RFC3: variants seen among roughly 807,000 people sequenced by gnomAD.
RFC3 encodes replication factor C subunit 3.
In RFC3, 41 loss-of-function variants were observed where a neutral mutation model predicts 45.1. That is an observed-to-expected ratio of 0.91 (90% CI 0.71 to 1.18). The LOEUF is 1.18. Ranked by LOEUF, RFC3 falls within the 50% of genes most tolerant of loss-of-function variation. The pLI is 0.00. For missense variants in RFC3, 423 were observed against 428.1 expected, an observed-to-expected ratio of 0.99 and a Z score of 0.10; for synonymous variants, 149 against 144.0, an observed-to-expected ratio of 1.03 and a Z score of -0.25.
chr13:33,916,758 G>A (rs1018118936), intron 8 of RFC3, among the ~76,000 whole-genome samples: 3 of 148,616 alleles, frequency 2.0e-5, no homozygotes, highest in Admixed American at 6.6e-5. Flanking sequence ...GTGTACATAT[G>A]AGTGTGCATG....
At chr13:33,924,810 A>G (rs2082792945) in intron 8 of RFC3, among the ~76,000 whole-genome samples, 1 of 149,880 alleles carries the variant, frequency 6.7e-6, no homozygotes, top group African/African-American at 2.4e-5. Context: ...TTTATTTATA[A>G]GTTTTGTAGA....
intron 8 of RFC3, among the ~76,000 whole-genome samples, chr13:33,965,431 A>G (rs910716610): frequency 6.6e-6 from 1 of 152,206 alleles, no homozygotes; most frequent in Non-Finnish European, 1.5e-5. Flanking sequence ...GAGCTATACC[A>G]AATAAATAGT....
intron 4 of RFC3, among the ~76,000 whole-genome samples, chr13:33,827,705 T>C (rs1337075663): frequency 6.6e-6 from 1 of 152,168 alleles, no homozygotes. Context: ...TAAGTAACAG[T>C]TTAGGAAATA....
chr13:33,872,821 C>T (rs2082421333), intron 8 of RFC3, among the ~76,000 whole-genome samples: 1 of 130,360 alleles, frequency 7.7e-6, no homozygotes, highest in African/African-American at 2.9e-5. Context: ...ATGGTAGGCA[C>T]TCAGTAAATG....
At position 33,941,256 on chromosome 13, in the gene RFC3, C is replaced by G. The variant is rs1265138231; in HGVS notation, c.880-24831C>G. Among the ~76,000 whole-genome samples the G allele has an allele frequency of 2.0e-5, 3 of 151,830 alleles. No individual in the cohort carries two copies. The East Asian group carries it at 5.8e-4, about 29-fold the overall frequency. On this transcript the variant is annotated intron_variant, in intron 8 of 8. Transcript: ENST00000434425. ...GAGATTTTTTTTTTTTCCTTTTTGC[C>G]CAATACATTCCTCTCTAATCACCCT...
the RFC3 span, among the ~76,000 whole-genome samples, chr13:33,973,632 T>C: frequency 8.9e-4 from 135 of 150,984 alleles, no homozygotes; most frequent in African/African-American, 3.2e-3. Flanking sequence ...CTTCTCCCTC[T>C]CCCTCTCCCT....
At chr13:33,889,999 A>G (rs907500258) in intron 8 of RFC3, among the ~76,000 whole-genome samples, 1 of 152,188 alleles carries the variant, frequency 6.6e-6, no homozygotes, top group African/African-American at 2.4e-5. Flanking sequence ...CTGGTGGTCA[A>G]TAGGTTCAAC....
chr13:33,913,477 G>A (rs1464534409), intron 8 of RFC3, among the ~76,000 whole-genome samples: 1 of 152,116 alleles, frequency 6.6e-6, no homozygotes, highest in Non-Finnish European at 1.5e-5. Context: ...CTAATTTTGT[G>A]ATAAGCTCAA....
At chr13:33,909,060 T>C (rs889449944) in intron 8 of RFC3, among the ~76,000 whole-genome samples, 1 of 152,094 alleles carries the variant, frequency 6.6e-6, no homozygotes, top group South Asian at 2.1e-4. Flanking sequence ...AATGTCTGGG[T>C]ACCCCAGGTC....
chr13:33,821,351 T>C, intron 2 of RFC3, 82 bp downstream of exon 2: 1 of 1,343,756 alleles, frequency 7.4e-7, no homozygotes, highest in Non-Finnish European at 1.1e-6. Flanking sequence ...CCCAACTCAG[T>C]TGCTTCCTAA....
intron 8 of RFC3, among the ~76,000 whole-genome samples, chr13:33,957,209 C>T (rs542974498): frequency 2.4e-4 from 36 of 152,248 alleles, no homozygotes; most frequent in South Asian, 6.2e-4. Context: ...CCAAAGACTA[C>T]GTCAAAAAAT....
chr13:33,927,723 T>C (rs1401354167), intron 8 of RFC3, among the ~76,000 whole-genome samples: 1 of 152,102 alleles, frequency 6.6e-6, no homozygotes, highest in Non-Finnish European at 1.5e-5. Flanking sequence ...GCAACTCTTG[T>C]AAATTCAGAA....
At chr13:33,899,204 CAAAAAAA>C (rs59221382) in intron 8 of RFC3, among the ~76,000 whole-genome samples, 689 of 52,010 alleles carry the variant, frequency 0.013, 6 homozygotes, top group African/African-American at 0.043. Flanking sequence ...CACAATAAGA[CAAAAAAA>C]AAAAAAAAAA....
At chr13:33,875,874 A>G (rs9539038) in intron 8 of RFC3, among the ~76,000 whole-genome samples, 46,433 of 152,112 alleles carry the variant, frequency 0.31, 9,380 homozygotes, top group Non-Finnish European at 0.45. Flanking sequence ...GGCCTTGGGC[A>G]GATTCCTGGC....
chr13:33,853,110 T>C (rs2082286503), intron 8 of RFC3, among the ~76,000 whole-genome samples: 1 of 152,164 alleles, frequency 6.6e-6, no homozygotes, highest in African/African-American at 2.4e-5. Flanking sequence ...ATAATCTAGA[T>C]TGGGTATTCC....
rs150182574 is a variant in RFC3, at chr13:33,959,958, A to T, written c.880-6129A>T. On this transcript the variant is annotated intron_variant, in intron 8 of 8. Transcript: ENST00000434425. ...TACTCATCGCAGAAAGCAAAGTGGG[A>T]GCTTGTAGGTCACATAGTGAAAGCA... Among the ~76,000 whole-genome samples, 535 of 152,232 alleles carry T rather than the reference A, an allele frequency of 3.5e-3. 4 individuals are homozygous for T. The highest frequency in any genetic ancestry group is 5.9e-3 in the Non-Finnish European group (400 of 68,026).
At chr13:33,843,445 A>G (rs575959915) in intron 8 of RFC3, among the ~76,000 whole-genome samples, 2 of 152,324 alleles carry the variant, frequency 1.3e-5, no homozygotes, top group East Asian at 1.9e-4. Context: ...GCAGTTGTTT[A>G]ATTAGCTGAT....
chr13:33,916,115 C>T (rs2082731779), intron 8 of RFC3, among the ~76,000 whole-genome samples: 1 of 152,156 alleles, frequency 6.6e-6, no homozygotes, highest in Non-Finnish European at 1.5e-5. Context: ...AACTATATTT[C>T]TAAATGACAG....
intron 8 of RFC3, among the ~76,000 whole-genome samples, chr13:33,956,807 A>C (rs1166288416): frequency 6.6e-6 from 1 of 152,226 alleles, no homozygotes; most frequent in Non-Finnish European, 1.5e-5. Flanking sequence ...AAATGAGAAA[A>C]TTTAGAACCT....
Sources: allele counts gnomAD v4.1 joint callset (sites outside exome capture counted in the v4.1 genomes callset), GRCh38; gene constraint gnomAD v4.1.1; transcripts MANE v1.5; gene names NCBI Gene and HGNC (gene_info 2026-07-23, HGNC 2026-07-21).